Variants in FGF13 observed in about 807,000 individuals in gnomAD.
FGF13 encodes fibroblast growth factor 13.
In FGF13, 2 loss-of-function variants were observed where a neutral mutation model predicts 19.5. The ratio of observed to expected loss-of-function variants is 0.10; its 90% CI spans 0.04 to 0.32. FGF13 has a LOEUF of 0.32. FGF13 is among the 10% of genes least tolerant of loss of function. The pLI is 1.00. For synonymous variants in FGF13, 72 were observed against 76.9 expected (o/e 0.94, Z 0.33); for missense variants, 113 against 192.7 (o/e 0.59, Z 2.45).
intron 3 of FGF13, among the ~76,000 whole-genome samples, chrX:138,846,359 C>T (rs1037145484): frequency 2.7e-5 from 3 of 111,167 alleles, no homozygotes; most frequent in African/African-American, 9.8e-5. Context: ...TGGAGCTCAA[C>T]TGAGACAGCT....
chrX:138,910,067 G>A (rs2124223955), intron 1 of FGF13, among the ~76,000 whole-genome samples: 1 of 111,468 alleles, frequency 9.0e-6, no homozygotes, highest in East Asian at 2.8e-4. Context: ...GCCTGAAGAA[G>A]TTAATCTAGC....
chrX:138,979,427 T>C (rs963860839), intron 1 of FGF13, among the ~76,000 whole-genome samples: 4 of 110,415 alleles, frequency 3.6e-5, no homozygotes, highest in Admixed American at 1.9e-4. Context: ...ATTATTATTA[T>C]ACTTTAAGTT....
At chrX:139,150,304 T>C (rs760677548) in intron 1 of FGF13, among the ~76,000 whole-genome samples, 14 of 112,303 alleles carry the variant, frequency 1.2e-4, no homozygotes, top group African/African-American at 4.5e-4. Context: ...GATTCTAGGT[T>C]GCCAACAAAA....
At chrX:138,676,073 TTAAC>T (rs2089663173) in intron 3 of FGF13, among the ~76,000 whole-genome samples, 1 of 112,166 alleles carries the variant, frequency 8.9e-6, no homozygotes, top group South Asian at 3.7e-4. Flanking sequence ...ATCATTATTA[TTAAC>T]TAACAGTTTT....
chrX:138,780,816 GA>G (rs1569393015), intron 3 of FGF13, among the ~76,000 whole-genome samples: 2 of 110,821 alleles, frequency 1.8e-5, no homozygotes, highest in East Asian at 5.7e-4. Flanking sequence ...CAAGCGGACC[GA>G]ATAGACATCT....
intron 3 of FGF13, among the ~76,000 whole-genome samples, chrX:138,789,317 T>C (rs1052004684): frequency 3.5e-4 from 38 of 107,925 alleles, no homozygotes; most frequent in Middle Eastern, 4.8e-3. Context: ...TACAGGTGCC[T>C]GCCACTACCC....
intron 1 of FGF13, among the ~76,000 whole-genome samples, chrX:139,174,090 CA>C (rs760104271): frequency 8.2e-4 from 92 of 112,187 alleles, no homozygotes; most frequent in Non-Finnish European, 1.6e-3. Flanking sequence ...TAATGATTGC[CA>C]TTCTAACTGG....
chrX:138,965,941 T>C lies in FGF13; in HGVS notation c.-112-101291A>G, dbSNP rs142406240. Among the ~76,000 whole-genome samples the C allele has an allele frequency of 1.1e-4, 12 of 112,833 alleles. No individual in the cohort carries two copies. The East Asian group carries it at 3.4e-3, about 32-fold the overall frequency. The stretch of plus-strand genomic sequence containing the variant: ...GTTTTACATTTTGATATATCAAATC[T>C]ATCAGTCATTTTCTTTGTGATTTCT... On this transcript the variant is annotated intron_variant, in intron 1 of 2. Transcript: ENST00000421460.
chrX:139,039,542 C>T (rs889189452), intron 1 of FGF13, among the ~76,000 whole-genome samples: 2 of 111,465 alleles, frequency 1.8e-5, no homozygotes, highest in South Asian at 7.5e-4. Flanking sequence ...TACTGTTTTG[C>T]TTATGTATTC....
At chrX:138,792,664 T>G (rs1196283749) in intron 3 of FGF13, among the ~76,000 whole-genome samples, 2 of 111,499 alleles carry the variant, frequency 1.8e-5, no homozygotes, top group Non-Finnish European at 3.8e-5. Context: ...TCCCACAGGC[T>G]GTTAAGAGAA....
chrX:138,703,213 C>A (rs780719976), intron 2 of FGF13, 126 bp from the exon 3 acceptor site: 34 of 507,422 alleles, frequency 6.7e-5, no homozygotes, highest in Middle Eastern at 4.2e-4. Flanking sequence ...GCATATATGT[C>A]TGTTTATGTA....
chrX:138,926,795 A>C (rs900961781), intron 1 of FGF13, among the ~76,000 whole-genome samples: 20 of 111,434 alleles, frequency 1.8e-4, no homozygotes, highest in African/African-American at 5.9e-4. Context: ...TCTACTGAAA[A>C]TACAAAAATT....
At chrX:138,854,112 C>A (rs1477230773), downstream of FGF13, among the ~76,000 whole-genome samples, 1 of 111,942 alleles carries the variant, frequency 8.9e-6, no homozygotes, top group Non-Finnish European at 1.9e-5. Context: ...GATCTCCACT[C>A]TCCATGTGGC....
intron 1 of FGF13, among the ~76,000 whole-genome samples, chrX:139,151,613 C>T (rs564167087): frequency 8.1e-5 from 9 of 111,389 alleles, no homozygotes; most frequent in East Asian, 2.8e-4. Context: ...ACTTTACTTT[C>T]GCCGGAAAAA....
At chrX:138,937,933 A>T (rs2091740054) in intron 1 of FGF13, among the ~76,000 whole-genome samples, 1 of 111,572 alleles carries the variant, frequency 9.0e-6, no homozygotes, top group Non-Finnish European at 1.9e-5. Flanking sequence ...TCACTGGAGC[A>T]GGATGTAGAT....
chrX:138,956,233 A>G (rs964326844), intron 1 of FGF13, among the ~76,000 whole-genome samples: 4 of 111,782 alleles, frequency 3.6e-5, no homozygotes, highest in African/African-American at 1.3e-4. Context: ...GCTTTTGACT[A>G]TGATGTATAT....
At chrX:139,010,526 G>A (rs2124372616) in intron 1 of FGF13, among the ~76,000 whole-genome samples, 1 of 111,821 alleles carries the variant, frequency 8.9e-6, no homozygotes, top group South Asian at 3.8e-4. Flanking sequence ...AAATAACATG[G>A]AAATTAAATA....
At chrX:138,903,623 T>C (rs976792771) in intron 1 of FGF13, among the ~76,000 whole-genome samples, 6 of 111,631 alleles carry the variant, frequency 5.4e-5, no homozygotes, top group African/African-American at 2.0e-4. Flanking sequence ...TCCACACCCA[T>C]GATCTTGCTT....
intron 1 of FGF13, among the ~76,000 whole-genome samples, chrX:139,187,054 T>C (rs996866533): frequency 7.1e-5 from 8 of 113,014 alleles, no homozygotes; most frequent in African/African-American, 2.6e-4. Context: ...AGGGACACTC[T>C]GTAGCTTGGT....
Sources: gnomAD v4.1 joint callset for allele counts (sites outside exome capture counted in the v4.1 genomes callset) on GRCh38, gnomAD v4.1.1 for gene constraint, MANE v1.5 for transcripts, NCBI Gene and HGNC (gene_info 2026-07-23, HGNC 2026-07-21) for gene names.